BRINP3: variants seen among roughly 807,000 people sequenced by gnomAD.
BRINP3 encodes the protein BMP/retinoic acid inducible neural specific 3.
In BRINP3, 19 loss-of-function variants were observed where a neutral mutation model predicts 71.0. That is an observed-to-expected ratio of 0.27 (90% confidence interval 0.19 to 0.39). The LOEUF (loss-of-function observed/expected upper bound fraction) is 0.39, where lower values mean the gene tolerates loss of function less well. Ranked by LOEUF, BRINP3 falls within the 10% of genes least tolerant of loss-of-function variation. The probability of loss-of-function intolerance (pLI) is 1.00; values close to 1 mark genes in which losing one functional copy is unlikely to be tolerated. For synonymous variants in BRINP3, 380 were observed against 337.7 expected (o/e 1.13, Z -1.37); for missense variants, 959 against 940.8 (o/e 1.02, Z -0.25).
At chr1:190,379,947 G>A (rs1404897790) in intron 2 of BRINP3, among the ~76,000 whole-genome samples, 1 of 136,006 alleles carries the variant, frequency 7.4e-6, no homozygotes, top group Non-Finnish European at 1.5e-5. Context: ...GCAGTGAGCT[G>A]AGATCGTGCC....
chr1:190,311,095 C>T (rs1344057072), intron 2 of BRINP3, among the ~76,000 whole-genome samples: 2 of 151,666 alleles, frequency 1.3e-5, no homozygotes, highest in Non-Finnish European at 3.0e-5. Context: ...TTCTTTCTGA[C>T]TCTGGGTTGG....
chr1:190,110,564 C>T lies in BRINP3; in HGVS notation c.1185-11430G>A, dbSNP rs181853025. 5.2e-3 allele frequency among the ~76,000 whole-genome samples: 794 copies of T among 152,070 alleles called. 6 individuals are homozygous for T. The highest frequency in any genetic ancestry group is 0.014 in the Middle Eastern group (4 of 294). ...GTTTCTCTATAGTTTAGCCAAGTAC[C>T]CTCTACTAAAACACATATTTCATAG... On this transcript the variant is annotated intron_variant, in intron 7 of 7. Transcript: ENST00000367462.
At chr1:190,361,530 G>A (rs1325128883) in intron 2 of BRINP3, among the ~76,000 whole-genome samples, 1 of 152,022 alleles carries the variant, frequency 6.6e-6, no homozygotes, top group Non-Finnish European at 1.5e-5. Context: ...AGCCTCCTGA[G>A]TAGCTGGGAC....
chr1:190,200,708 T>A (rs558598839), intron 6 of BRINP3, among the ~76,000 whole-genome samples: 1 of 152,010 alleles, frequency 6.6e-6, no homozygotes, highest in Non-Finnish European at 1.5e-5. Flanking sequence ...GATGATTGAA[T>A]CATGGGGCAG....
chr1:190,103,468 A>C (rs1407836559), intron 7 of BRINP3, among the ~76,000 whole-genome samples: 2 of 152,062 alleles, frequency 1.3e-5, no homozygotes, highest in Non-Finnish European at 2.9e-5. Context: ...TTGGTGAACC[A>C]AGTTCCTGGG....
At chr1:190,379,642 G>A (rs191550278) in intron 2 of BRINP3, among the ~76,000 whole-genome samples, 1 of 152,180 alleles carries the variant, frequency 6.6e-6, no homozygotes, top group Admixed American at 6.5e-5. Context: ...GGGGAGAGAA[G>A]AATGGTGTAA....
chr1:190,446,631 T>C (rs1675236819), intron 2 of BRINP3, among the ~76,000 whole-genome samples: 1 of 152,112 alleles, frequency 6.6e-6, no homozygotes, highest in Non-Finnish European at 1.5e-5. Context: ...TTAACCTATT[T>C]GTTCTGATGT....
At chr1:190,222,974 A>G (rs1416877386) in intron 6 of BRINP3, among the ~76,000 whole-genome samples, 1 of 151,908 alleles carries the variant, frequency 6.6e-6, no homozygotes, top group Non-Finnish European at 1.5e-5. Flanking sequence ...TGAACAATGA[A>G]GAAATAAAAA....
At chr1:190,168,290 C>T (rs1282504176) in intron 6 of BRINP3, among the ~76,000 whole-genome samples, 1 of 152,032 alleles carries the variant, frequency 6.6e-6, no homozygotes, top group African/African-American at 2.4e-5. Flanking sequence ...AGAAAGTTGT[C>T]TTATCAAATT....
At chr1:190,296,076 T>TGGG (rs1041779984) in intron 2 of BRINP3, among the ~76,000 whole-genome samples, 32 of 145,580 alleles carry the variant, frequency 2.2e-4, no homozygotes, top group Admixed American at 1.8e-3. Context: ...GTTTTTTTTT[T>TGGG]GGGGGGGGGC....
intron 6 of BRINP3, among the ~76,000 whole-genome samples, chr1:190,211,295 C>T (rs934380241): frequency 6.6e-6 from 1 of 151,972 alleles, no homozygotes; most frequent in South Asian, 2.1e-4. Context: ...AACAAAAAAC[C>T]TTCCTTTAAT....
intron 6 of BRINP3, among the ~76,000 whole-genome samples, chr1:190,219,018 G>T (rs961763133): frequency 6.6e-6 from 1 of 152,078 alleles, no homozygotes; most frequent in Non-Finnish European, 1.5e-5. Flanking sequence ...ATTCAGGACT[G>T]CCAGTGCTCT....
intron 2 of BRINP3, among the ~76,000 whole-genome samples, chr1:190,349,958 G>A (rs751785447): frequency 6.6e-6 from 1 of 152,042 alleles, no homozygotes; most frequent in Non-Finnish European, 1.5e-5. Flanking sequence ...CACTTGTTCT[G>A]CTGTGATATA....
intron 6 of BRINP3, among the ~76,000 whole-genome samples, chr1:190,203,787 A>G (rs1442527595): frequency 9.4e-6 from 1 of 105,994 alleles, no homozygotes; most frequent in Non-Finnish European, 2.0e-5. Context: ...ATATATATAT[A>G]TATATATATA....
chr1:190,189,855 G>A (rs148543883), intron 6 of BRINP3, among the ~76,000 whole-genome samples: 277 of 152,274 alleles, frequency 1.8e-3, no homozygotes, highest in African/African-American at 6.3e-3. Flanking sequence ...GTTATTGTAA[G>A]ATACAGGTAC....
At position 190,160,745 on chromosome 1, in the gene BRINP3, C is replaced by A. The variant is rs144839769; in HGVS notation, c.1107G>T (p.Ala369=). The change falls in exon 7 of 8, where the codon GCG becomes GCT. Residue 369 remains alanine, a synonymous_variant. Transcript: ENST00000367462. ...ENSMKQLFLK[A]QKIVHKLFSL... is the part of the protein sequence containing the mutation. ...TAAAAAGCTTGTGTACAATTTTCTG[C>A]GCCTTTAGGAAAAGTTGTTTCATGC... The A allele has an allele frequency of 1.9e-6, 3 of 1,613,440 alleles. No individual in the cohort carries two copies. The highest frequency in any genetic ancestry group is 1.1e-5 in the South Asian group (1 of 91,066).
At chr1:190,356,317 T>C (rs1041797164) in intron 2 of BRINP3, among the ~76,000 whole-genome samples, 3 of 151,932 alleles carry the variant, frequency 2.0e-5, no homozygotes, top group South Asian at 4.1e-4. Flanking sequence ...AATTAAATAA[T>C]AGAAAATTGA....
At chr1:190,207,913 T>C (rs887184724) in intron 6 of BRINP3, among the ~76,000 whole-genome samples, 2 of 151,960 alleles carry the variant, frequency 1.3e-5, no homozygotes, top group Admixed American at 6.6e-5. Context: ...TTGTATAGAG[T>C]TGAACTCGCT....
At chr1:190,475,668 C>T (rs1677449781) in intron 1 of BRINP3, 1 of 152,184 alleles carries the variant, frequency 6.6e-6, no homozygotes, top group Non-Finnish European at 1.5e-5. Context: ...CACGCAGAGT[C>T]GCCTGTTGAT....
Sources: allele counts gnomAD v4.1 joint callset (sites outside exome capture counted in the v4.1 genomes callset), GRCh38; gene constraint gnomAD v4.1.1; transcripts MANE v1.5; gene names NCBI Gene and HGNC (gene_info 2026-07-23, HGNC 2026-07-21).